SORCS1: variants seen among roughly 807,000 people sequenced by gnomAD.
SORCS1 encodes sortilin related VPS10 domain containing receptor 1, also known as VPS10 domain-containing receptor SorCS1.
In SORCS1, 60 loss-of-function variants were observed where a neutral mutation model predicts 146.1. That is an observed-to-expected ratio of 0.41 (90% CI 0.33 to 0.51). SORCS1 has a LOEUF of 0.51. Among genes scored for constraint, SORCS1 ranks in the 20% least tolerant of loss-of-function variants. The probability of loss-of-function intolerance (pLI) is 0.21; values close to 1 mark genes in which losing one functional copy is unlikely to be tolerated. For missense variants in SORCS1, 1,352 were observed against 1,487.6 expected, an observed-to-expected ratio of 0.91 and a Z score of 1.50; for synonymous variants, 637 against 584.0, an observed-to-expected ratio of 1.09 and a Z score of -1.31.
At chr10:106,826,869 G>A (rs151068320) in intron 3 of SORCS1, among the ~76,000 whole-genome samples, 1 of 152,306 alleles carries the variant, frequency 6.6e-6, no homozygotes, top group African/African-American at 2.4e-5. Flanking sequence ...TTCCCTCATA[G>A]TCATGCACAG....
At chr10:106,888,358 G>A (rs1275663686) in intron 2 of SORCS1, among the ~76,000 whole-genome samples, 4 of 152,078 alleles carry the variant, frequency 2.6e-5, no homozygotes, top group South Asian at 2.1e-4. Context: ...GGAGGTTCGT[G>A]CCTTTAACAT....
intron 4 of SORCS1, among the ~76,000 whole-genome samples, chr10:106,768,359 C>T (rs1482767502): frequency 6.6e-6 from 1 of 152,114 alleles, no homozygotes; most frequent in East Asian, 1.9e-4. Context: ...TAATGCAGTG[C>T]CTTGGGGAAA....
At chr10:106,966,117 A>G (rs1191356029) in intron 1 of SORCS1, among the ~76,000 whole-genome samples, 1 of 152,224 alleles carries the variant, frequency 6.6e-6, no homozygotes, top group Non-Finnish European at 1.5e-5. Flanking sequence ...GCAGATTTCC[A>G]CAGATGGTTT....
At chr10:106,707,700 G>A (rs1854633295) in intron 7 of SORCS1, among the ~76,000 whole-genome samples, 2 of 152,226 alleles carry the variant, frequency 1.3e-5, no homozygotes, top group Non-Finnish European at 2.9e-5. Flanking sequence ...CCTGGTGGGT[G>A]TGAGAGAGGG....
intron 1 of SORCS1, among the ~76,000 whole-genome samples, chr10:106,998,389 A>AT (rs1308039721): frequency 2.0e-5 from 3 of 152,234 alleles, no homozygotes; most frequent in Non-Finnish European, 1.5e-5. Flanking sequence ...GGCTTCTTTC[A>AT]TTTTTTTGAT....
At chr10:106,652,591 T>A in intron 17 of SORCS1, 38 bp from the exon 18 acceptor site, 1 of 1,599,760 alleles carries the variant, frequency 6.3e-7, no homozygotes, top group Non-Finnish European at 8.6e-7. Context: ...ACCAGCTCAT[T>A]ATAATGTGAA....
At chr10:106,620,831 C>T (rs1415961363) in intron 19 of SORCS1, among the ~76,000 whole-genome samples, 3 of 152,112 alleles carry the variant, frequency 2.0e-5, no homozygotes, top group Non-Finnish European at 4.4e-5. Flanking sequence ...TTACAGGTAA[C>T]TTATGAAGTC....
rs539265829 is a variant in SORCS1 at position 106,989,929 on chromosome 10, A to G, written c.559-33349T>C. Among the ~76,000 whole-genome samples, 10 of 151,628 alleles carry G rather than the reference A, an allele frequency of 6.6e-5. 1 individual carries two copies. The South Asian group carries it at 2.1e-3, about 32-fold the overall frequency. On this transcript the variant is annotated intron_variant, in intron 1 of 25. Coordinates refer to ENST00000263054, the MANE Select transcript of SORCS1 (RefSeq NM_052918.5). ...TCTCAATCTCATGACCTCGAGATCCACCTGCCTCGGCCTCCCACAGTACTG... is the reference window on the plus strand; with the variant it reads ...TCTCAATCTCATGACCTCGAGATCCGCCTGCCTCGGCCTCCCACAGTACTG...
chr10:106,694,135 G>A (rs967903421), intron 9 of SORCS1, among the ~76,000 whole-genome samples: 7 of 152,116 alleles, frequency 4.6e-5, no homozygotes, highest in African/African-American at 1.7e-4. Flanking sequence ...TCACAATCAG[G>A]GAACCCACTG....
chr10:106,821,835 T>C (rs1948044425), intron 3 of SORCS1, among the ~76,000 whole-genome samples: 1 of 151,480 alleles, frequency 6.6e-6, no homozygotes, highest in South Asian at 2.1e-4. Context: ...GGCAGGAGAA[T>C]GGCGTGACCC....
chr10:106,574,594 A>T lies in SORCS1; in HGVS notation c.*2826T>A, dbSNP rs530598987. On this transcript the variant is annotated 3_prime_UTR_variant, in exon 26 of 26. Transcript: ENST00000263054. Reference sequence around the variant, plus strand: ...TAGGTGGCTGGGCCCACTGTCACTTAGCAACAGAGAACACCACTATTCATC... The same window carrying T: ...TAGGTGGCTGGGCCCACTGTCACTTTGCAACAGAGAACACCACTATTCATC... 1.3e-5 allele frequency: 2 copies of T among 152,642 alleles called. No individual in the cohort carries two copies. Among genetic ancestry groups the T allele is most frequent in the African/African-American group, 4.8e-5 (2 of 41,560 alleles). 9.5% of individuals were successfully genotyped at this position (152,642 alleles called of 1,614,324 possible).
chr10:106,799,225 T>C (rs1417076742), intron 3 of SORCS1, among the ~76,000 whole-genome samples: 1 of 152,102 alleles, frequency 6.6e-6, no homozygotes, highest in Non-Finnish European at 1.5e-5. Context: ...ATACAAAAAT[T>C]AATTCAAGAT....
intron 3 of SORCS1, among the ~76,000 whole-genome samples, chr10:106,789,788 C>G (rs1946225759): frequency 6.6e-6 from 1 of 152,236 alleles, no homozygotes; most frequent in Non-Finnish European, 1.5e-5. Flanking sequence ...TACCAATTCA[C>G]TGTATTAGTC....
intron 3 of SORCS1, among the ~76,000 whole-genome samples, chr10:106,817,215 G>C (rs7100663): frequency 0.16 from 24,269 of 152,096 alleles, 2,860 homozygotes; most frequent in African/African-American, 0.32. Flanking sequence ...TGGACAGCCT[G>C]GAATCCAAAC....
chr10:106,600,792 C>A (rs906709568), intron 23 of SORCS1: 1 of 801,568 alleles, frequency 1.2e-6, no homozygotes, highest in Non-Finnish European at 1.5e-6. Flanking sequence ...CTTTGTTTGA[C>A]TCCTAATCCT....
chr10:106,681,342 C>T (rs1332170431), intron 10 of SORCS1, among the ~76,000 whole-genome samples: 3 of 152,184 alleles, frequency 2.0e-5, no homozygotes, highest in African/African-American at 7.2e-5. Context: ...TTTCACTATG[C>T]ACAATCTTGT....
chr10:106,762,050 G>C (rs2136255987), intron 4 of SORCS1, among the ~76,000 whole-genome samples: 1 of 152,290 alleles, frequency 6.6e-6, no homozygotes, highest in Middle Eastern at 3.4e-3. Flanking sequence ...GGTTCTGGAA[G>C]AGTACGCAAT....
intron 2 of SORCS1, among the ~76,000 whole-genome samples, chr10:106,914,285 A>C (rs1157437021): frequency 1.3e-5 from 2 of 152,106 alleles, no homozygotes; most frequent in Admixed American, 6.6e-5. Flanking sequence ...TAATAAACTA[A>C]AACTGCTAGA....
chr10:106,997,654 T>C (rs1415696779), intron 1 of SORCS1, among the ~76,000 whole-genome samples: 1 of 152,202 alleles, frequency 6.6e-6, no homozygotes, highest in African/African-American at 2.4e-5. Context: ...GAGAAATATA[T>C]ACTCCTCTAC....
Sources: gnomAD v4.1 joint callset for allele counts (sites outside exome capture counted in the v4.1 genomes callset) on GRCh38, gnomAD v4.1.1 for gene constraint, MANE v1.5 for transcripts, NCBI Gene and HGNC (gene_info 2026-07-23, HGNC 2026-07-21) for gene names.